SH3RF1: variants seen among roughly 807,000 people sequenced by gnomAD.
The protein encoded by SH3RF1 is SH3 domain containing ring finger 1.
SH3RF1 carries 32 observed loss-of-function variants against 74.0 expected under a neutral mutation model. The ratio of observed to expected loss-of-function variants is 0.43; its 90% CI spans 0.33 to 0.58. The LOEUF is 0.58. SH3RF1 is among the 20% of genes least tolerant of loss of function. SH3RF1 has a pLI of 0.05. For synonymous variants in SH3RF1, 396 were observed against 439.6 expected (o/e 0.90, Z 1.24); for missense variants, 954 against 1,130.9 (o/e 0.84, Z 2.24).
chr4:169,224,372 C>T (rs1730621744), intron 2 of SH3RF1, among the ~76,000 whole-genome samples: 1 of 150,532 alleles, frequency 6.6e-6, no homozygotes, highest in South Asian at 2.1e-4. Flanking sequence ...GGCTGGAGTG[C>T]AATGGTGCGA....
At chr4:169,230,358 G>A (rs1730716477) in intron 2 of SH3RF1, among the ~76,000 whole-genome samples, 1 of 152,056 alleles carries the variant, frequency 6.6e-6, no homozygotes, top group Non-Finnish European at 1.5e-5. Flanking sequence ...CTACACATAA[G>A]CAAGAGACAG....
At position 169,108,117 on chromosome 4, in the gene SH3RF1, T is replaced by C. The variant is rs192316928; in HGVS notation, c.2140-912A>G. Among the ~76,000 whole-genome samples the C allele has an allele frequency of 4.3e-4, 66 of 152,338 alleles. No individual in the cohort carries two copies. In the East Asian group the frequency reaches 0.011, roughly 26 times the overall value. On this transcript the variant is annotated intron_variant, in intron 10 of 11. Transcript: ENST00000284637. The stretch of plus-strand genomic sequence containing the variant: ...CCTTAAGCGTGAATGTTCTTTCTGA[T>C]GACCAAGCTTAACATGATCCTTTTA...
At chr4:169,198,237 CA>C (rs1468383867) in intron 2 of SH3RF1, among the ~76,000 whole-genome samples, 1 of 152,194 alleles carries the variant, frequency 6.6e-6, no homozygotes, top group Non-Finnish European at 1.5e-5. Flanking sequence ...TGGCTTTCAA[CA>C]CTTTAAACCA....
intron 11 of SH3RF1, among the ~76,000 whole-genome samples, chr4:169,100,957 C>T (rs188819388): frequency 5.6e-4 from 85 of 152,360 alleles, no homozygotes; most frequent in Non-Finnish European, 9.8e-4. Flanking sequence ...ATCACTCTCT[C>T]AAAGCCTGGC....
Position 169,096,490 on chromosome 4 carries a change from G to C in SH3RF1, c.*29C>G, listed in dbSNP as rs776132457. 3.3e-5 allele frequency: 53 copies of C among 1,605,820 alleles called. No individual in the cohort carries two copies. The highest frequency in any genetic ancestry group is 5.4e-5 in the African/African-American group (4 of 74,574). On this transcript the variant is annotated 3_prime_UTR_variant, in exon 12 of 12. Transcript: ENST00000284637. ...TTTGTGCTACTTTGTTGTGTGAAGT[G>C]ATTTTAAGCTTCTTCAGTGTCAGTC...
intron 5 of SH3RF1, among the ~76,000 whole-genome samples, chr4:169,132,774 A>G (rs1427367332): frequency 6.6e-6 from 1 of 152,150 alleles, no homozygotes; most frequent in Admixed American, 6.6e-5. Context: ...AACACTGAAT[A>G]TTATGAATCA....
intron 2 of SH3RF1, among the ~76,000 whole-genome samples, chr4:169,256,182 T>A (rs1731191208): frequency 6.6e-6 from 1 of 152,276 alleles, no homozygotes; most frequent in African/African-American, 2.4e-5. Flanking sequence ...AAATTGAATT[T>A]TTTTAAAATT....
chr4:169,256,158 C>T (rs1006592510), intron 2 of SH3RF1, among the ~76,000 whole-genome samples: 2 of 151,926 alleles, frequency 1.3e-5, no homozygotes, highest in African/African-American at 4.8e-5. Flanking sequence ...TAGTAATATG[C>T]TAAAGAAATA....
At chr4:169,222,327 T>C (rs1286384083) in intron 2 of SH3RF1, among the ~76,000 whole-genome samples, 1 of 151,962 alleles carries the variant, frequency 6.6e-6, no homozygotes, top group Non-Finnish European at 1.5e-5. Context: ...TAGCCAGGCA[T>C]GGTAGCAGAC....
intron 6 of SH3RF1, among the ~76,000 whole-genome samples, chr4:169,126,556 A>G (rs1051862639): frequency 1.4e-4 from 22 of 152,114 alleles, no homozygotes; most frequent in Admixed American, 7.2e-4. Flanking sequence ...AAATACACAC[A>G]TACAAACATG....
At chr4:169,116,684 C>G in intron 9 of SH3RF1, 54 bp from the exon 10 acceptor site, 1 of 1,493,098 alleles carries the variant, frequency 6.7e-7, no homozygotes, top group Non-Finnish European at 8.9e-7. Context: ...ATAGATGCTG[C>G]TCACCAAAAC....
chr4:169,114,253 C>T (rs1579088394), intron 10 of SH3RF1, among the ~76,000 whole-genome samples: 1 of 152,186 alleles, frequency 6.6e-6, no homozygotes, highest in African/African-American at 2.4e-5. Context: ...ATTCTAGAGG[C>T]TTCCTGTATT....
chr4:169,254,944 C>T (rs940579391), intron 2 of SH3RF1, among the ~76,000 whole-genome samples: 1 of 152,152 alleles, frequency 6.6e-6, no homozygotes, highest in Non-Finnish European at 1.5e-5. Context: ...TGCACCACAG[C>T]CTGCAAGGTC....
At chr4:169,210,185 C>T (rs904965556) in intron 2 of SH3RF1, among the ~76,000 whole-genome samples, 1 of 152,144 alleles carries the variant, frequency 6.6e-6, no homozygotes, top group Non-Finnish European at 1.5e-5. Flanking sequence ...CTCCTCAACT[C>T]CATCTGGAGT....
At chr4:169,106,396 T>C (rs1733138790) in intron 11 of SH3RF1, among the ~76,000 whole-genome samples, 1 of 151,910 alleles carries the variant, frequency 6.6e-6, no homozygotes, top group South Asian at 2.1e-4. Flanking sequence ...TCCTTCAGTG[T>C]GGCCCAGGGA....
chr4:169,152,116 G>A (rs2126962780), intron 4 of SH3RF1, among the ~76,000 whole-genome samples: 1 of 152,268 alleles, frequency 6.6e-6, no homozygotes, highest in African/African-American at 2.4e-5. Flanking sequence ...ATGGCATGGT[G>A]TCTTCAAGAA....
chr4:169,126,826 A>G (rs1733532963), intron 6 of SH3RF1, among the ~76,000 whole-genome samples: 1 of 152,158 alleles, frequency 6.6e-6, no homozygotes, highest in African/African-American at 2.4e-5. Flanking sequence ...CCTGGCCTCA[A>G]GTGATCCTCC....
In SH3RF1 at chr4:169,099,047, A is replaced by G. The variant is rs12233807; in HGVS notation, c.2499-2360T>C. On this transcript the variant is annotated intron_variant, in intron 11 of 11. Transcript: ENST00000284637. ...ACTCAGGCCTCATTTCCTGAAAATG[A>G]GATTTGACAAACTTTAGATCAACAC... Among the ~76,000 whole-genome samples the G allele has an allele frequency of 2.9e-4, 44 of 152,188 alleles. 1 individual carries two copies. The East Asian group carries it at 7.7e-3, about 27-fold the overall frequency.
intron 2 of SH3RF1, among the ~76,000 whole-genome samples, chr4:169,224,920 A>C (rs929538478): frequency 6.6e-6 from 1 of 152,234 alleles, no homozygotes; most frequent in African/African-American, 2.4e-5. Flanking sequence ...AAGCCAGCCT[A>C]AGGGACATCG....
Sources: gnomAD v4.1 joint callset for allele counts (sites outside exome capture counted in the v4.1 genomes callset) on GRCh38, gnomAD v4.1.1 for gene constraint, MANE v1.5 for transcripts, NCBI Gene and HGNC (gene_info 2026-07-23, HGNC 2026-07-21) for gene names.